PTPRT: variants seen among roughly 807,000 people sequenced by gnomAD.
PTPRT encodes the protein protein tyrosine phosphatase receptor type T, also known as receptor-type tyrosine-protein phosphatase T.
Under a neutral mutation model 176.8 loss-of-function variants are expected in PTPRT, and 56 were observed. The observed-to-expected ratio is 0.32, with a 90% confidence interval of 0.26 to 0.40. The LOEUF (loss-of-function observed/expected upper bound fraction) is 0.40, where lower values mean the gene tolerates loss of function less well. Among genes scored for constraint, PTPRT ranks in the 10% least tolerant of loss-of-function variants. The pLI, the probability that PTPRT is intolerant of heterozygous loss-of-function variation, is 1.00. For missense variants in PTPRT, 1,540 were observed against 1,908.2 expected (o/e 0.81, Z 3.60); for synonymous variants, 783 against 739.0 (o/e 1.06, Z -0.96).
At chr20:42,652,392 A>G (rs1043060112) in intron 7 of PTPRT, among the ~76,000 whole-genome samples, 4 of 152,162 alleles carry the variant, frequency 2.6e-5, no homozygotes, top group African/African-American at 9.7e-5. Context: ...CTTAGAAGAC[A>G]CTGTGATCAC....
intron 7 of PTPRT, among the ~76,000 whole-genome samples, chr20:42,581,474 G>C (rs2073369483): frequency 6.6e-6 from 1 of 151,456 alleles, no homozygotes; most frequent in Non-Finnish European, 1.5e-5. Context: ...CTGACACATG[G>C]CAGGTGCTCA....
At chr20:43,131,381 T>C (rs1281042007) in intron 1 of PTPRT, among the ~76,000 whole-genome samples, 2 of 152,264 alleles carry the variant, frequency 1.3e-5, no homozygotes, top group Non-Finnish European at 2.9e-5. Context: ...TTTCCCAGTA[T>C]GCAACAGACA....
intron 8 of PTPRT, among the ~76,000 whole-genome samples, chr20:42,450,853 C>A (rs577252820): frequency 6.6e-6 from 1 of 152,042 alleles, no homozygotes; most frequent in African/African-American, 2.4e-5. Flanking sequence ...AGACATTAAG[C>A]GATTATACTC....
At chr20:42,276,182 C>T (rs2147026274) in intron 13 of PTPRT, among the ~76,000 whole-genome samples, 1 of 152,014 alleles carries the variant, frequency 6.6e-6, no homozygotes, top group East Asian at 1.9e-4. Flanking sequence ...AAAGGGATGA[C>T]CACAATCCTA....
At chr20:42,785,326 A>G (rs1246291346) in intron 3 of PTPRT, among the ~76,000 whole-genome samples, 1 of 152,234 alleles carries the variant, frequency 6.6e-6, no homozygotes, top group African/African-American at 2.4e-5. Context: ...TTTTAGAACT[A>G]TAAAATACGA....
intron 7 of PTPRT, among the ~76,000 whole-genome samples, chr20:42,539,239 T>C (rs2145571974): frequency 6.6e-6 from 1 of 152,258 alleles, no homozygotes; most frequent in South Asian, 2.1e-4. Context: ...TTCCTAGGCT[T>C]GAGGGTATAG....
At chr20:42,642,520 T>C (rs1465711139) in intron 7 of PTPRT, among the ~76,000 whole-genome samples, 5 of 152,040 alleles carry the variant, frequency 3.3e-5, no homozygotes, top group Non-Finnish European at 5.9e-5. Flanking sequence ...ATCTGTAGAG[T>C]TAATACAATG....
chr20:42,159,204 CTT>C (rs36084546), intron 17 of PTPRT, among the ~76,000 whole-genome samples: 3 of 124,888 alleles, frequency 2.4e-5, no homozygotes, highest in African/African-American at 3.0e-5. Flanking sequence ...TCCTTTCTTT[CTT>C]TTTTTTTTTT....
At chr20:43,044,882 C>T (rs1006151114) in intron 1 of PTPRT, among the ~76,000 whole-genome samples, 41 of 152,304 alleles carry the variant, frequency 2.7e-4, no homozygotes, top group African/African-American at 8.7e-4. Flanking sequence ...AGGCTTTTTG[C>T]TTTTAACTAC....
chr20:42,194,429 C>G (rs376065748), intron 16 of PTPRT, among the ~76,000 whole-genome samples: 1 of 152,122 alleles, frequency 6.6e-6, no homozygotes, highest in Non-Finnish European at 1.5e-5. Context: ...TCATGGTACC[C>G]AGTAGGCAAG....
At chr20:43,029,693 G>A (rs1986060554) in intron 1 of PTPRT, among the ~76,000 whole-genome samples, 1 of 152,206 alleles carries the variant, frequency 6.6e-6, no homozygotes, top group Admixed American at 6.5e-5. Context: ...ATATATCCCA[G>A]ACCCTGTGGT....
At chr20:42,042,505 C>G in the PTPRT span, among the ~76,000 whole-genome samples, 2 of 152,124 alleles carry the variant, frequency 1.3e-5, no homozygotes, top group Non-Finnish European at 1.5e-5. Context: ...GCAGCTTTCC[C>G]TCTTTAACCA....
At chr20:42,475,015 A>G (rs2071265526) in intron 7 of PTPRT, among the ~76,000 whole-genome samples, 1 of 152,206 alleles carries the variant, frequency 6.6e-6, no homozygotes, top group African/African-American at 2.4e-5. Context: ...CTAAGACCAC[A>G]TGTTATTGAA....
chr20:42,536,587 T>G (rs2072480155), intron 7 of PTPRT, among the ~76,000 whole-genome samples: 2 of 152,172 alleles, frequency 1.3e-5, no homozygotes, highest in South Asian at 4.1e-4. Context: ...GGCCACTGAT[T>G]ACACATCTCT....
At position 42,691,655 on chromosome 20, in the gene PTPRT, C is replaced by T. The variant is rs531596133; in HGVS notation, c.860-13496G>A. Among the ~76,000 whole-genome samples the T allele has an allele frequency of 4.9e-4, 75 of 152,312 alleles. 1 individual carries two copies. The highest frequency in any genetic ancestry group is 1.8e-3 in the African/African-American group (73 of 41,572). On this transcript the variant is annotated intron_variant, in intron 6 of 30. Coordinates refer to ENST00000373187, the MANE Select transcript of PTPRT (RefSeq NM_007050.6). The stretch of plus-strand genomic sequence containing the variant: ...CTCCCTCATTCCCCTAGGGCTGCCT[C>T]TGCCCCTGCCGTATCTTGCCTGAAG...
At chr20:42,235,257 A>T (rs1321691448) in intron 15 of PTPRT, among the ~76,000 whole-genome samples, 1 of 151,452 alleles carries the variant, frequency 6.6e-6, no homozygotes, top group Non-Finnish European at 1.5e-5. Context: ...GTTATTTATT[A>T]TTATTATTAT....
At chr20:42,426,292 GA>G (rs1420976674) in intron 9 of PTPRT, among the ~76,000 whole-genome samples, 3 of 152,082 alleles carry the variant, frequency 2.0e-5, no homozygotes, top group Admixed American at 2.0e-4. Context: ...AAGAGTAACA[GA>G]ATGGCATGGC....
At chr20:42,197,084 T>TA (rs1991250439) in intron 16 of PTPRT, among the ~76,000 whole-genome samples, 1 of 151,996 alleles carries the variant, frequency 6.6e-6, no homozygotes. Context: ...CCCTAGACTT[T>TA]AAAAAAATGT....
At chr20:42,430,246 G>A (rs1359819909) in intron 9 of PTPRT, among the ~76,000 whole-genome samples, 2 of 152,180 alleles carry the variant, frequency 1.3e-5, no homozygotes, top group Non-Finnish European at 2.9e-5. Flanking sequence ...GACGTAGCAA[G>A]AGCATGGTTC....
Sources: gnomAD v4.1 joint callset for allele counts (sites outside exome capture counted in the v4.1 genomes callset) on GRCh38, gnomAD v4.1.1 for gene constraint, MANE v1.5 for transcripts, NCBI Gene and HGNC (gene_info 2026-07-23, HGNC 2026-07-21) for gene names.